The following PRR14L variants were observed in gnomAD, a reference collection of about 807,000 sequenced individuals.
The protein encoded by PRR14L is protein PRR14L.
Under a neutral mutation model 155.0 loss-of-function variants are expected in PRR14L, and 80 were observed. That is an observed-to-expected ratio of 0.52 (90% confidence interval 0.43 to 0.62). The LOEUF is 0.62. Ranked by LOEUF, PRR14L falls within the 20% of genes least tolerant of loss-of-function variation. The pLI, the probability that PRR14L is intolerant of heterozygous loss-of-function variation, is 0.00. For missense variants in PRR14L, 2,469 were observed against 2,548.0 expected (o/e 0.97, Z 0.67); for synonymous variants, 883 against 916.0 (o/e 0.96, Z 0.65).
chr22:31,738,604 C>T lies in PRR14L; in HGVS notation c.257G>A (p.Gly86Glu). Residue 86 changes from glycine to glutamate, a missense_variant, in exon 2 of 9, where the codon GGG (glycine) becomes GAG (glutamate). By Grantham distance (98) the Gly-to-Glu change is moderately conservative. This residue lies in a region of PRR14L where 2,363 missense variants were observed against 2,371.6 expected (regional missense o/e 1.00). Transcript: ENST00000327423. ...CEETYETLDH[G>E]SEPGRCGLVD... Reference sequence around the variant, plus strand: ...TAGCCCACATCGCCCAGGCTCACTCCCATGATCCAAGGTCTCATAGGTTTC... The same window carrying T: ...TAGCCCACATCGCCCAGGCTCACTCTCATGATCCAAGGTCTCATAGGTTTC... The T allele has an allele frequency of 6.4e-7, 1 of 1,552,056 alleles. No homozygotes were observed. The highest frequency in any genetic ancestry group is 8.7e-7 in the Non-Finnish European group (1 of 1,147,082).
In PRR14L at chr22:31,715,779, T is replaced by C. The variant is rs1039780387; in HGVS notation, c.2060A>G (p.His687Arg). ...CTCTAATGGAGGGTGATGGCTCTGA[T>C]GGGCATCTCTGCCTGTTGCTAAAGG... ...EMPLATGRDA[H>R]QSHHPPLEGR... Residue 687 changes from histidine to arginine, a missense_variant, in exon 4 of 9, where the codon CAT becomes CGT. Coordinates refer to ENST00000327423, the MANE Select transcript of PRR14L (RefSeq NM_173566.3). 56 of 1,551,736 alleles carry C rather than the reference T, an allele frequency of 3.6e-5. No homozygotes were observed. The highest frequency in any genetic ancestry group is 4.7e-5 in the Non-Finnish European group (54 of 1,146,918).
rs1463422324 is a variant in PRR14L, at chr22:31,713,933, G to A, written c.3906C>T (p.Thr1302=). The change falls in exon 4 of 9, where the codon ACC becomes ACT. Residue 1302 remains threonine, a synonymous_variant. Coordinates refer to ENST00000327423, the MANE Select transcript of PRR14L (RefSeq NM_173566.3). ...CTTTGCAAGCATTCTTTTCCACACA[G>A]GTACATACGCTGTCTCTGTCACTAG... is the stretch of plus-strand genomic sequence containing the variant. ...SNSSDRDSVC[T]CVEKNACKAC... 6.4e-7 allele frequency: 1 copy of A among 1,551,786 alleles called. No homozygotes were observed. Among genetic ancestry groups the A allele is most frequent in the Admixed American group, 2.0e-5 (1 of 51,008 alleles).
chr22:31,714,602 A>C lies in PRR14L; in HGVS notation c.3237T>G (p.Cys1079Trp), dbSNP rs2074643781. ...LDVKASNLLD[C>W]GARQEKLAFQ... ...ATGCCAGTTTCTCTTGCCTTGCACC[A>C]CAATCCAGTAGATTAGATGCCTTCA... Residue 1079 changes from cysteine (C) to tryptophan (W), a missense_variant, in exon 4 of 9, where the codon TGT (cysteine) becomes TGG (tryptophan). Physicochemically the swap from Cys to Trp is radical, Grantham distance 215. Transcript: ENST00000327423. 2 of 1,551,784 alleles carry C rather than the reference A, an allele frequency of 1.3e-6. No individual in the cohort carries two copies. The highest frequency in any genetic ancestry group is 2.7e-5 in the African/African-American group (2 of 73,030).
chr22:31,695,236 C>T (rs1296220513), intron 7 of PRR14L, among the ~76,000 whole-genome samples: 1 of 152,162 alleles, frequency 6.6e-6, no homozygotes, highest in East Asian at 1.9e-4. Context: ...TCAAAATCTG[C>T]CCTGCAGTAC....
Position 31,738,632 on chromosome 22 carries a change from CACA to C in PRR14L, c.226_228del (p.Cys76del), listed in dbSNP as rs1569500869. The C allele has an allele frequency of 2.6e-6, 4 of 1,552,110 alleles. No homozygotes were observed. Among genetic ancestry groups the C allele is most frequent in the Admixed American group, 2.0e-5 (1 of 50,994 alleles). ...TGATCCAAGGTCTCATAGGTTTCTT[CACA>C]ACAACTCTCCACATGAGTCCTCTGC... is the stretch of plus-strand genomic sequence containing the variant. On this transcript the variant is annotated inframe_deletion, in exon 2 of 9. Coordinates refer to ENST00000327423, the MANE Select transcript of PRR14L (RefSeq NM_173566.3).
intron 5 of PRR14L, 31 bp from the exon 6 acceptor site, chr22:31,703,752 A>ACCC: frequency 1.5e-6 from 2 of 1,363,544 alleles, no homozygotes; most frequent in Non-Finnish European, 2.0e-6. Context: ...AAGATATGAG[A>ACCC]GGGGTTCCCT....
chr22:31,727,416 T>A (rs1042166796), intron 2 of PRR14L, among the ~76,000 whole-genome samples: 1 of 151,734 alleles, frequency 6.6e-6, no homozygotes, highest in African/African-American at 2.4e-5. Flanking sequence ...TGTATTTTAG[T>A]AGAGACAGGG....
At chr22:31,717,706 C>T (rs1367552478) in intron 3 of PRR14L, among the ~76,000 whole-genome samples, 1 of 152,088 alleles carries the variant, frequency 6.6e-6, no homozygotes, top group Non-Finnish European at 1.5e-5. Flanking sequence ...TAGATGTCAT[C>T]GATAAAATTA....
intron 7 of PRR14L, among the ~76,000 whole-genome samples, chr22:31,693,099 T>C (rs1334434659): frequency 1.3e-5 from 2 of 152,182 alleles, no homozygotes; most frequent in Admixed American, 6.6e-5. Context: ...GATACATTAT[T>C]ATCACCCAAA....
chr22:31,690,649 T>C (rs1249587425), intron 7 of PRR14L, among the ~76,000 whole-genome samples: 3 of 151,924 alleles, frequency 2.0e-5, no homozygotes, highest in African/African-American at 7.3e-5. Flanking sequence ...ATTTTTTTTT[T>C]TTTTTTCTTT....
At chr22:31,706,156 A>C (rs980407674) in intron 4 of PRR14L, among the ~76,000 whole-genome samples, 1 of 151,702 alleles carries the variant, frequency 6.6e-6, no homozygotes, top group African/African-American at 2.4e-5. Flanking sequence ...ACACGATGAA[A>C]CCCTGTCTCT....
Position 31,716,227 on chromosome 22 carries a change from T to C in PRR14L, c.1612A>G (p.Thr538Ala), listed in dbSNP as rs1323997440. The change falls in exon 4 of 9, where the codon ACT becomes GCT. Residue 538 changes from threonine to alanine, a missense_variant. Thr to Ala is a moderately conservative substitution (Grantham distance 58). Around this residue, in one of 2 missense-constraint regions of PRR14L, gnomAD observed 2,363 missense variants for 2,371.6 expected, o/e 1.00. Transcript: ENST00000327423. ...EPNILSKSFY[T>A]KDCNSLVSIQ... ...CTGACTAAGGAGTTACAGTCTTTAG[T>C]GTAAAAAGATTTACTTAATATATTG... is the stretch of plus-strand genomic sequence containing the variant. 1.9e-6 allele frequency: 3 copies of C among 1,551,580 alleles called. No homozygotes were observed. The highest frequency in any genetic ancestry group is 1.7e-6 in the Non-Finnish European group (2 of 1,146,878).
In PRR14L at chr22:31,685,571, AG is replaced by A; in HGVS notation, c.6411del (p.Phe2138SerfsTer63). On this transcript the variant is annotated frameshift_variant, in exon 9 of 9. Coordinates refer to ENST00000327423, the MANE Select transcript of PRR14L (RefSeq NM_173566.3). LOFTEE classifies it high-confidence loss of function. ...LLIQKLMELE[T>X]FFAKEEEQEQ... Reference sequence around the variant, plus strand: ...TCCTGCTCCTCTTCCTTGGCAAAGAAGGTCTCCAGTTCCATTAGTTTCTGTA... The same window carrying A: ...TCCTGCTCCTCTTCCTTGGCAAAGAAGTCTCCAGTTCCATTAGTTTCTGTA... 6.4e-7 allele frequency: 1 copy of A among 1,552,070 alleles called. No homozygotes were observed. The highest frequency in any genetic ancestry group is 8.7e-7 in the Non-Finnish European group (1 of 1,146,982).
chr22:31,708,822 A>AT (rs1286831297), intron 4 of PRR14L, among the ~76,000 whole-genome samples: 2 of 151,154 alleles, frequency 1.3e-5, no homozygotes, highest in Non-Finnish European at 3.0e-5. Context: ...GATGGGATTT[A>AT]TTTTTTTATT....
Position 31,685,698 on chromosome 22 carries a change from G to A in PRR14L, c.6285C>T (p.Val2095=), listed in dbSNP as rs78356740. The A allele has an allele frequency of 2.7e-3, 4,230 of 1,551,642 alleles. 109 individuals carry two copies. In the African/African-American group the frequency reaches 0.052, roughly 19 times the overall value. Residue 2095 remains valine (V), a synonymous_variant, in exon 9 of 9, where the codon GTC becomes GTT. Coordinates refer to ENST00000327423, the MANE Select transcript of PRR14L (RefSeq NM_173566.3). ...TGCCTCGAGCTCTCCTCTTTCGCGG[G>A]ACTGTAAAATCCTGAAATTCTAGAA... ...KRVLEFQDFT[V]PRKRRARGKV... is the part of the protein sequence containing the mutation.
At chr22:31,726,409 G>A (rs2074716997) in intron 2 of PRR14L, among the ~76,000 whole-genome samples, 1 of 152,038 alleles carries the variant, frequency 6.6e-6, no homozygotes, top group Non-Finnish European at 1.5e-5. Context: ...GGGACTACAT[G>A]CGTGATCCAC....
At chr22:31,703,929 C>T (rs914351085) in intron 5 of PRR14L, among the ~76,000 whole-genome samples, 1 of 151,938 alleles carries the variant, frequency 6.6e-6, no homozygotes, top group African/African-American at 2.4e-5. Context: ...CCTCGAGTAG[C>T]TGAAATTACA....
chr22:31,717,379 A>G, intron 3 of PRR14L, 88 bp from the exon 4 acceptor site: 1 of 1,057,940 alleles, frequency 9.5e-7, no homozygotes, highest in Non-Finnish European at 1.3e-6. Flanking sequence ...CTATGCTACC[A>G]AGGGCAACAG....
chr22:31,748,909 TG>T (rs1410458335), intron 1 of PRR14L, among the ~76,000 whole-genome samples: 2 of 152,196 alleles, frequency 1.3e-5, no homozygotes, highest in Admixed American at 6.5e-5. Context: ...CTAAGGGGAC[TG>T]GAAGTGTCTC....
Sources: gnomAD v4.1 joint callset for allele counts (sites outside exome capture counted in the v4.1 genomes callset) on GRCh38, gnomAD v4.1.1 for gene constraint, gnomAD v4.1.1 regional missense constraint, MANE v1.5 for transcripts, NCBI Gene and HGNC (gene_info 2026-07-23, HGNC 2026-07-21) for gene names.